Variants in SNTG1 observed in about 807,000 individuals in gnomAD.
SNTG1 encodes gamma-1-syntrophin.
Under a neutral mutation model 74.7 loss-of-function variants are expected in SNTG1, and 39 were observed. That is an observed-to-expected ratio of 0.52 (90% CI 0.40 to 0.68). SNTG1 has a LOEUF of 0.68. SNTG1 is among the 30% of genes least tolerant of loss of function. The pLI is 0.00. For synonymous variants in SNTG1, 254 were observed against 217.1 expected, an observed-to-expected ratio of 1.17 and a Z score of -1.49; for missense variants, 685 against 609.5, an observed-to-expected ratio of 1.12 and a Z score of -1.30.
intron 1 of SNTG1, among the ~76,000 whole-genome samples, chr8:49,975,443 C>G (rs1393268819): frequency 6.6e-6 from 1 of 152,146 alleles, no homozygotes; most frequent in Non-Finnish European, 1.5e-5. Context: ...CGATTAATCG[C>G]CACAACATGC....
chr8:50,361,402 C>T (rs892419382), intron 2 of SNTG1, among the ~76,000 whole-genome samples: 2 of 152,094 alleles, frequency 1.3e-5, no homozygotes, highest in South Asian at 4.1e-4. Context: ...TGGTTTGCTT[C>T]TTTTTTTCAT....
chr8:50,372,001 G>T (rs936640924), intron 2 of SNTG1, among the ~76,000 whole-genome samples: 2 of 152,060 alleles, frequency 1.3e-5, no homozygotes, highest in Non-Finnish European at 2.9e-5. Flanking sequence ...TGATTAGGGA[G>T]TTTAATCCAC....
chr8:50,545,779 T>A (rs1421533389), intron 11 of SNTG1, among the ~76,000 whole-genome samples: 1 of 152,130 alleles, frequency 6.6e-6, no homozygotes, highest in African/African-American at 2.4e-5. Flanking sequence ...TACCTTGAGA[T>A]GAAGACGTTT....
intron 1 of SNTG1, among the ~76,000 whole-genome samples, chr8:50,012,285 C>T (rs1815888094): frequency 6.6e-6 from 1 of 152,024 alleles, no homozygotes; most frequent in African/African-American, 2.4e-5. Flanking sequence ...GTTTATTTTA[C>T]TACTTGCATG....
intron 2 of SNTG1, among the ~76,000 whole-genome samples, chr8:50,275,621 G>A (rs1367240478): frequency 6.6e-6 from 1 of 152,102 alleles, no homozygotes; most frequent in Non-Finnish European, 1.5e-5. Flanking sequence ...AGAAATTGCG[G>A]TGCTGGAGGT....
chr8:50,678,528 A>G (rs964565656), intron 15 of SNTG1, among the ~76,000 whole-genome samples: 1 of 152,100 alleles, frequency 6.6e-6, no homozygotes, highest in Non-Finnish European at 1.5e-5. Context: ...GAGCAAGTCA[A>G]GTTTTTGAAT....
chr8:50,466,378 CT>C (rs57108883), intron 8 of SNTG1, among the ~76,000 whole-genome samples: 6,011 of 151,990 alleles, frequency 0.04, 127 homozygotes, highest in Middle Eastern at 0.12. Flanking sequence ...TATTTCTGGT[CT>C]TTTTGTTCTC....
At chr8:50,593,975 C>A (rs866777522) in intron 13 of SNTG1, among the ~76,000 whole-genome samples, 6 of 152,168 alleles carry the variant, frequency 3.9e-5, no homozygotes, top group Admixed American at 1.3e-4. Context: ...GCCTTGGCCT[C>A]CCGAAGTGCT....
At chr8:50,506,082 C>T (rs2094003927) in intron 9 of SNTG1, among the ~76,000 whole-genome samples, 1 of 151,936 alleles carries the variant, frequency 6.6e-6, no homozygotes. Context: ...CCAGTTTTCC[C>T]AATATAATTA....
intron 9 of SNTG1, among the ~76,000 whole-genome samples, chr8:50,503,375 T>A (rs1386525113): frequency 3.3e-5 from 5 of 152,218 alleles, no homozygotes; most frequent in African/African-American, 1.2e-4. Flanking sequence ...ATGTATATTA[T>A]CTAATGCTTT....
chr8:50,630,602 C>T (rs1351942633), intron 13 of SNTG1, among the ~76,000 whole-genome samples: 1 of 152,088 alleles, frequency 6.6e-6, no homozygotes, highest in Non-Finnish European at 1.5e-5. Context: ...ACTACAGAAA[C>T]ACAAAGCACC....
At chr8:50,474,731 C>T (rs1170616657) in intron 8 of SNTG1, among the ~76,000 whole-genome samples, 1 of 152,006 alleles carries the variant, frequency 6.6e-6, no homozygotes, top group Admixed American at 6.6e-5. Context: ...TACTGGGTAT[C>T]TACCCAAAAG....
intron 15 of SNTG1, among the ~76,000 whole-genome samples, chr8:50,670,094 G>T (rs1285765545): frequency 6.6e-6 from 1 of 152,086 alleles, no homozygotes; most frequent in Non-Finnish European, 1.5e-5. Flanking sequence ...CATACTGAAT[G>T]GGCAAAAACT....
At chr8:50,294,453 G>A (rs549088021) in intron 2 of SNTG1, among the ~76,000 whole-genome samples, 1 of 152,260 alleles carries the variant, frequency 6.6e-6, no homozygotes, top group South Asian at 2.1e-4. Flanking sequence ...ATGGATACTG[G>A]CAAGCCCCAA....
intron 13 of SNTG1, among the ~76,000 whole-genome samples, chr8:50,605,171 A>G (rs1488967632): frequency 1.3e-5 from 2 of 152,158 alleles, no homozygotes; most frequent in African/African-American, 4.8e-5. Context: ...AGAATGAAGG[A>G]GTCACTTTCA....
chr8:50,084,863 G>A (rs1443166628), intron 1 of SNTG1, among the ~76,000 whole-genome samples: 1 of 152,172 alleles, frequency 6.6e-6, no homozygotes, highest in Non-Finnish European at 1.5e-5. Flanking sequence ...TTGCCCTTCT[G>A]ACATTTTATG....
intron 17 of SNTG1, among the ~76,000 whole-genome samples, chr8:50,723,723 G>A (rs2095493158): frequency 6.6e-6 from 1 of 152,102 alleles, no homozygotes; most frequent in South Asian, 2.1e-4. Context: ...CAGTTAGACT[G>A]ACTGGAAGCT....
intron 8 of SNTG1, among the ~76,000 whole-genome samples, chr8:50,480,271 C>CT (rs1371936659): frequency 6.6e-6 from 1 of 151,296 alleles, no homozygotes; most frequent in African/African-American, 2.4e-5. Flanking sequence ...TCGTCTTTTT[C>CT]TTTTTTGAGA....
intron 2 of SNTG1, among the ~76,000 whole-genome samples, chr8:50,312,766 G>A (rs1025555036): frequency 1.3e-5 from 2 of 149,718 alleles, no homozygotes; most frequent in African/African-American, 5.0e-5. Context: ...AAAAACCAGG[G>A]AACAATACAA....
Sources: gnomAD v4.1 joint callset for allele counts (sites outside exome capture counted in the v4.1 genomes callset) on GRCh38, gnomAD v4.1.1 for gene constraint, MANE v1.5 for transcripts, NCBI Gene and HGNC (gene_info 2026-07-23, HGNC 2026-07-21) for gene names.